The following PCDH7 variants were observed in gnomAD, a reference collection of about 807,000 sequenced individuals.
The protein encoded by PCDH7 is protocadherin 7.
Under a neutral mutation model 58.9 loss-of-function variants are expected in PCDH7, and 17 were observed. The ratio of observed to expected loss-of-function variants is 0.29; its 90% confidence interval spans 0.20 to 0.43. The LOEUF (loss-of-function observed/expected upper bound fraction) is 0.43, where lower values mean the gene tolerates loss of function less well. Ranked by LOEUF, PCDH7 falls within the 20% of genes least tolerant of loss-of-function variation. The pLI is 1.00. For missense variants in PCDH7, 1,274 were observed against 1,441.0 expected (o/e 0.88, Z 1.88); for synonymous variants, 664 against 616.4 (o/e 1.08, Z -1.14).
intron 3 of PCDH7, among the ~76,000 whole-genome samples, chr4:31,029,640 T>C (rs1754732981): frequency 6.6e-6 from 1 of 152,200 alleles, no homozygotes; most frequent in Admixed American, 6.5e-5. Flanking sequence ...GGTTTGCACA[T>C]TAAATCTGCC....
At chr4:30,850,310 C>T (rs1026652781) in intron 1 of PCDH7, among the ~76,000 whole-genome samples, 23 of 152,034 alleles carry the variant, frequency 1.5e-4, no homozygotes, top group African/African-American at 4.8e-4. Context: ...GATGGCTAAG[C>T]GCTGAGTTCG....
chr4:30,738,590 C>CT, intron 1 of PCDH7, among the ~76,000 whole-genome samples: 1 of 152,170 alleles, frequency 6.6e-6, no homozygotes, highest in East Asian at 1.9e-4. Flanking sequence ...TTAGTTTTTT[C>CT]TTAATTCTGC....
intron 3 of PCDH7, among the ~76,000 whole-genome samples, chr4:30,973,771 G>A (rs1421850238): frequency 6.6e-6 from 1 of 151,520 alleles, no homozygotes; most frequent in African/African-American, 2.4e-5. Flanking sequence ...AGTGAAAATT[G>A]TATTAGTTTC....
chr4:30,805,157 A>G (rs1486963382), intron 1 of PCDH7, among the ~76,000 whole-genome samples: 1 of 152,104 alleles, frequency 6.6e-6, no homozygotes, highest in Non-Finnish European at 1.5e-5. Context: ...TCTGGTTCTA[A>G]TAGATGTCTA....
At chr4:30,838,268 A>G (rs1248260765) in intron 1 of PCDH7, among the ~76,000 whole-genome samples, 2 of 152,156 alleles carry the variant, frequency 1.3e-5, no homozygotes, top group African/African-American at 4.8e-5. Context: ...AAGAAACCAT[A>G]GGCATGTGGT....
chr4:31,145,525 C>A (rs887374497), downstream of PCDH7: 1 of 151,860 alleles, frequency 6.6e-6, no homozygotes, highest in Non-Finnish European at 1.5e-5. Context: ...GCCTTTTATA[C>A]CTGTTGTTAC....
At chr4:30,780,555 A>G (rs1248963874) in intron 1 of PCDH7, among the ~76,000 whole-genome samples, 1 of 152,084 alleles carries the variant, frequency 6.6e-6, no homozygotes, top group African/African-American at 2.4e-5. Flanking sequence ...TTGTTTTTAT[A>G]AAAACAATAA....
intron 3 of PCDH7, among the ~76,000 whole-genome samples, chr4:31,097,347 G>T (rs1212995631): frequency 2.6e-5 from 4 of 151,368 alleles, no homozygotes. Flanking sequence ...CCAGCTACTT[G>T]GGAGGCTGAG....
chr4:30,817,125 T>A (rs1224637362), intron 1 of PCDH7, among the ~76,000 whole-genome samples: 1 of 152,176 alleles, frequency 6.6e-6, no homozygotes, highest in Non-Finnish European at 1.5e-5. Flanking sequence ...GCATGACAGT[T>A]GTGATATAGG....
intron 1 of PCDH7, among the ~76,000 whole-genome samples, chr4:30,878,306 T>A (rs944488331): frequency 3.9e-5 from 6 of 152,094 alleles, no homozygotes; most frequent in African/African-American, 1.4e-4. Context: ...GGAAGCATGA[T>A]CCGATTTTCA....
At chr4:30,891,028 A>G (rs1205965122) in intron 1 of PCDH7, among the ~76,000 whole-genome samples, 1 of 152,040 alleles carries the variant, frequency 6.6e-6, no homozygotes, top group Non-Finnish European at 1.5e-5. Flanking sequence ...TGAAACTCTC[A>G]TGATGATACC....
intron 1 of PCDH7, among the ~76,000 whole-genome samples, chr4:30,798,359 G>A (rs866462779): frequency 1.3e-5 from 2 of 152,098 alleles, no homozygotes; most frequent in African/African-American, 4.8e-5. Flanking sequence ...TACTTGAGAC[G>A]TATCTCCATT....
chr4:30,925,985 G>A (rs940631214), intron 2 of PCDH7: 1 of 152,092 alleles, frequency 6.6e-6, no homozygotes, highest in African/African-American at 2.4e-5. Context: ...CTCCTACAAG[G>A]AGTATTATTT....
intron 1 of PCDH7, among the ~76,000 whole-genome samples, chr4:30,875,762 A>T (rs143407467): frequency 1.3e-5 from 2 of 152,200 alleles, no homozygotes; most frequent in African/African-American, 4.8e-5. Context: ...TTAGTTAAAT[A>T]AGTGAACATT....
chr4:30,782,853 T>C (rs1371055562), intron 1 of PCDH7, among the ~76,000 whole-genome samples: 1 of 152,102 alleles, frequency 6.6e-6, no homozygotes, highest in Non-Finnish European at 1.5e-5. Flanking sequence ...TTCGAGTATA[T>C]GGAGGGCACC....
intron 3 of PCDH7, among the ~76,000 whole-genome samples, chr4:31,066,084 A>G (rs555262193): frequency 1.3e-5 from 2 of 152,034 alleles, no homozygotes; most frequent in East Asian, 1.9e-4. Flanking sequence ...CCTGTTTCAT[A>G]TCAGCCTCCT....
At chr4:31,096,826 A>G (rs1339102549) in intron 3 of PCDH7, among the ~76,000 whole-genome samples, 2 of 152,154 alleles carry the variant, frequency 1.3e-5, no homozygotes, top group Non-Finnish European at 2.9e-5. Context: ...GCTCTTGGAC[A>G]GACAAACAAG....
At chr4:30,877,069 G>A (rs1736383761) in intron 1 of PCDH7, among the ~76,000 whole-genome samples, 1 of 151,976 alleles carries the variant, frequency 6.6e-6, no homozygotes, top group Non-Finnish European at 1.5e-5. Context: ...AGTCATCTTA[G>A]TAGTGATTGA....
intron 3 of PCDH7, among the ~76,000 whole-genome samples, chr4:31,004,182 C>CTTCG: frequency 6.6e-6 from 1 of 152,106 alleles, no homozygotes; most frequent in Non-Finnish European, 1.5e-5. Flanking sequence ...ACACGTTTAA[C>CTTCG]TTCGGTTTGT....
Sources: allele counts gnomAD v4.1 joint callset (sites outside exome capture counted in the v4.1 genomes callset), GRCh38; gene constraint gnomAD v4.1.1; transcripts MANE v1.5; gene names NCBI Gene and HGNC (gene_info 2026-07-23, HGNC 2026-07-21).